DLG2: variants seen among roughly 807,000 people sequenced by gnomAD.
DLG2 encodes disks large homolog 2.
In DLG2, 45 loss-of-function variants were observed where a neutral mutation model predicts 132.5. The observed-to-expected ratio is 0.34, with a 90% CI of 0.27 to 0.44. DLG2 has a LOEUF of 0.44. DLG2 is among the 20% of genes least tolerant of loss of function. The pLI is 1.00. For missense variants in DLG2, 1,045 were observed against 1,196.9 expected, an observed-to-expected ratio of 0.87 and a Z score of 1.87; for synonymous variants, 424 against 419.6, an observed-to-expected ratio of 1.01 and a Z score of -0.13.
intron 6 of DLG2, among the ~76,000 whole-genome samples, chr11:85,073,758 C>T (rs922422386): frequency 1.3e-5 from 2 of 151,730 alleles, no homozygotes; most frequent in Non-Finnish European, 2.9e-5. Flanking sequence ...GGGCATATAT[C>T]CAAAGGAATA....
At chr11:83,685,149 A>G (rs1036156634) in intron 18 of DLG2, among the ~76,000 whole-genome samples, 11 of 152,202 alleles carry the variant, frequency 7.2e-5, no homozygotes, top group African/African-American at 2.2e-4. Context: ...GACTCTGGCT[A>G]GAAAGGTTAG....
intron 9 of DLG2, among the ~76,000 whole-genome samples, chr11:84,146,694 C>T (rs1306230727): frequency 2.0e-5 from 3 of 152,102 alleles, no homozygotes; most frequent in Non-Finnish European, 4.4e-5. Flanking sequence ...AGTACAACTT[C>T]AAGATACATT....
intron 3 of DLG2, among the ~76,000 whole-genome samples, chr11:85,478,883 T>C (rs1399446284): frequency 1.3e-5 from 2 of 152,184 alleles, no homozygotes; most frequent in African/African-American, 2.4e-5. Flanking sequence ...AAATGCCAAA[T>C]AGGTTTAAGA....
intron 16 of DLG2, among the ~76,000 whole-genome samples, chr11:83,868,250 C>T (rs1467160662): frequency 2.0e-5 from 3 of 152,154 alleles, no homozygotes; most frequent in Non-Finnish European, 4.4e-5. Flanking sequence ...TAGCAGGTGA[C>T]CTGGCAGCAT....
intron 6 of DLG2, among the ~76,000 whole-genome samples, chr11:85,066,578 A>T (rs1338125079): frequency 6.6e-6 from 1 of 151,852 alleles, no homozygotes; most frequent in Non-Finnish European, 1.5e-5. Context: ...ACAGCAAATT[A>T]AAAAGATAAT....
intron 7 of DLG2, among the ~76,000 whole-genome samples, chr11:84,525,331 A>G (rs2099317051): frequency 6.6e-6 from 1 of 152,158 alleles, no homozygotes; most frequent in East Asian, 1.9e-4. Flanking sequence ...CTCCCCTGCC[A>G]TTCTAAAATC....
At chr11:85,322,394 C>T (rs1255498660) in intron 3 of DLG2, among the ~76,000 whole-genome samples, 1 of 152,080 alleles carries the variant, frequency 6.6e-6, no homozygotes, top group Non-Finnish European at 1.5e-5. Context: ...AATCATTTGC[C>T]TAACCTATAC....
At chr11:84,828,749 C>T (rs1276698075) in intron 6 of DLG2, among the ~76,000 whole-genome samples, 1 of 151,696 alleles carries the variant, frequency 6.6e-6, no homozygotes, top group African/African-American at 2.4e-5. Flanking sequence ...AATTCTAGCC[C>T]AGTACATAAT....
intron 2 of DLG2, among the ~76,000 whole-genome samples, chr11:85,607,892 G>A (rs2080701046): frequency 1.3e-5 from 2 of 152,114 alleles, no homozygotes; most frequent in South Asian, 2.1e-4. Context: ...TATAGGACAT[G>A]GGTAAAATCC....
intron 6 of DLG2, among the ~76,000 whole-genome samples, chr11:85,083,352 G>C (rs923522076): frequency 3.9e-5 from 6 of 152,118 alleles, no homozygotes; most frequent in Non-Finnish European, 8.8e-5. Context: ...TTTGTCAAAG[G>C]TCAGGGCCTC....
In DLG2 at chr11:84,350,951, T is replaced by C. The variant is rs572715500; in HGVS notation, c.520-99660A>G. Among the ~76,000 whole-genome samples, 83 of 152,248 alleles carry C rather than the reference T, an allele frequency of 5.5e-4. 1 individual carries two copies. Among genetic ancestry groups the C allele is most frequent in the Non-Finnish European group, 4.4e-4 (30 of 68,000 alleles). Reference sequence around the variant, plus strand: ...CTATTCCTATCCCTCCCCTTTTCAATGTAAAAAAATGCTTTTTAGAGAGTC... The same window carrying C: ...CTATTCCTATCCCTCCCCTTTTCAACGTAAAAAAATGCTTTTTAGAGAGTC... On this transcript the variant is annotated intron_variant, in intron 7 of 27. Coordinates refer to ENST00000376104, the MANE Select transcript of DLG2 (RefSeq NM_001142699.3).
At chr11:85,608,045 G>A (rs897803532) in intron 2 of DLG2, among the ~76,000 whole-genome samples, 1 of 152,140 alleles carries the variant, frequency 6.6e-6, no homozygotes, top group Admixed American at 6.5e-5. Context: ...GCATCAGTAA[G>A]GGCCACTAAA....
intron 15 of DLG2, among the ~76,000 whole-genome samples, chr11:83,885,406 T>C (rs1037520028): frequency 1.3e-5 from 2 of 151,988 alleles, no homozygotes; most frequent in Non-Finnish European, 2.9e-5. Context: ...AAAAAAAGAA[T>C]AAAAAGAAAC....
chr11:83,701,075 T>G (rs1265038899), intron 18 of DLG2, among the ~76,000 whole-genome samples: 1 of 152,142 alleles, frequency 6.6e-6, no homozygotes, highest in Non-Finnish European at 1.5e-5. Flanking sequence ...AGATGCTTCT[T>G]TAAGTAGATT....
chr11:85,213,569 C>T (rs1450525679), intron 4 of DLG2, among the ~76,000 whole-genome samples: 1 of 152,112 alleles, frequency 6.6e-6, no homozygotes, highest in East Asian at 1.9e-4. Context: ...ATGAAGCCTA[C>T]AGGTAGCAGG....
At chr11:85,137,801 C>A (rs948374654) in intron 5 of DLG2, among the ~76,000 whole-genome samples, 25 of 152,102 alleles carry the variant, frequency 1.6e-4, no homozygotes, top group Non-Finnish European at 3.4e-4. Context: ...ATGACATCTG[C>A]AAAGCTTGTT....
intron 6 of DLG2, among the ~76,000 whole-genome samples, chr11:84,634,494 T>C (rs2099637308): frequency 6.6e-6 from 1 of 152,160 alleles, no homozygotes; most frequent in African/African-American, 2.4e-5. Context: ...ATTCAAACTG[T>C]GTTCAAATAA....
chr11:85,510,559 A>G (rs1364286457), intron 3 of DLG2, among the ~76,000 whole-genome samples: 1 of 152,170 alleles, frequency 6.6e-6, no homozygotes, highest in Non-Finnish European at 1.5e-5. Context: ...AAAAGTCGGC[A>G]AAGGATATGA....
intron 3 of DLG2, among the ~76,000 whole-genome samples, chr11:85,295,176 T>C (rs2079140857): frequency 1.3e-5 from 2 of 152,108 alleles, no homozygotes; most frequent in South Asian, 2.1e-4. Context: ...TGTAGGAACG[T>C]TGTCAATTCT....
Sources: gnomAD v4.1 joint callset for allele counts (sites outside exome capture counted in the v4.1 genomes callset) on GRCh38, gnomAD v4.1.1 for gene constraint, MANE v1.5 for transcripts, NCBI Gene and HGNC (gene_info 2026-07-23, HGNC 2026-07-21) for gene names.